Variants in APBB2 observed in about 807,000 individuals in gnomAD.
APBB2 encodes Fe65-like 1.
In APBB2, 38 loss-of-function variants were observed where a neutral mutation model predicts 82.5. That is an observed-to-expected ratio of 0.46 (90% CI 0.36 to 0.60). The LOEUF (loss-of-function observed/expected upper bound fraction) is 0.60. Among genes scored for constraint, APBB2 ranks in the 20% least tolerant of loss-of-function variants. The pLI is 0.00. For synonymous variants in APBB2, 341 were observed against 368.2 expected (o/e 0.93, Z 0.85); for missense variants, 772 against 972.3 (o/e 0.79, Z 2.74).
intron 5 of APBB2, among the ~76,000 whole-genome samples, chr4:41,021,038 G>A (rs62412127): frequency 0.038 from 5,715 of 152,260 alleles, 202 homozygotes; most frequent in African/African-American, 0.097. Flanking sequence ...TAAGTCCCAT[G>A]ACAGCCATCT....
intron 12 of APBB2, 26 bp downstream of exon 12, chr4:40,890,338 C>T (rs374164260): frequency 2.5e-6 from 4 of 1,605,452 alleles, no homozygotes; most frequent in Non-Finnish European, 2.6e-6. Flanking sequence ...GTGAGGTGAC[C>T]CAGACTGCCC....
In APBB2 at chr4:41,212,920, C is replaced by T. The variant is rs76118575; in HGVS notation, c.-417+1485G>A. On this transcript the variant is annotated intron_variant, in intron 1 of 17. Transcript: ENST00000508593. ...ATAAACAACTGTTGAACAAATATTG[C>T]TTACAAGCTACAAGTTGAAAACGAG... is the stretch of plus-strand genomic sequence containing the variant. Among the ~76,000 whole-genome samples the T allele has an allele frequency of 8.7e-3, 1,321 of 152,248 alleles. 17 individuals are homozygous for T. Among genetic ancestry groups the T allele is most frequent in the African/African-American group, 0.031 (1,279 of 41,538 alleles).
chr4:41,097,279 T>TA (rs1405719078), intron 3 of APBB2, among the ~76,000 whole-genome samples: 1 of 152,200 alleles, frequency 6.6e-6, no homozygotes, highest in Non-Finnish European at 1.5e-5. Context: ...CAGTGACACT[T>TA]ACCATTTTGA....
At chr4:41,058,705 A>T (rs1413660957) in intron 4 of APBB2, among the ~76,000 whole-genome samples, 1 of 152,206 alleles carries the variant, frequency 6.6e-6, no homozygotes, top group Non-Finnish European at 1.5e-5. Context: ...ATTAATACTT[A>T]ACATCTAAAG....
At chr4:41,013,536 T>TAAA (rs75237991) in intron 6 of APBB2, 47 bp downstream of exon 6, 17 of 1,228,534 alleles carry the variant, frequency 1.4e-5, no homozygotes, top group South Asian at 4.4e-5. Context: ...GTTGAAAAGA[T>TAAA]AAAAAAAAAA....
rs1745625475 is a variant in APBB2 at position 40,816,315 on chromosome 4, AAT to A, written c.2113-58_2113-57del. On this transcript the variant is annotated intron_variant, in intron 17 of 17. Coordinates refer to ENST00000508593, the MANE Select transcript of APBB2 (RefSeq NM_004307.2). ...ATTAACAACATATTATTTCATCTTT[AAT>A]ATGACTTTAAGTCATGACCCATAAT... is the stretch of plus-strand genomic sequence containing the variant. 1.9e-6 allele frequency: 3 copies of A among 1,591,954 alleles called. No individual in the cohort carries two copies. In the African/African-American group the frequency reaches 4.0e-5, roughly 21 times the overall value.
At chr4:40,828,182 C>T (rs1447191965) in intron 13 of APBB2, among the ~76,000 whole-genome samples, 2 of 152,208 alleles carry the variant, frequency 1.3e-5, no homozygotes, top group Non-Finnish European at 2.9e-5. Flanking sequence ...CCGACTAATA[C>T]ACCTGCCATT....
At chr4:40,818,564 T>G (rs957518052) in intron 17 of APBB2, among the ~76,000 whole-genome samples, 1 of 152,210 alleles carries the variant, frequency 6.6e-6, no homozygotes, top group African/African-American at 2.4e-5. Context: ...CCATTTTCTA[T>G]TTTCTTCACA....
rs922342713 is a variant in APBB2 at position 41,015,250 on chromosome 4, T to C, written c.20-852A>G. 3.9e-5 allele frequency among the ~76,000 whole-genome samples: 6 copies of C among 152,354 alleles called. No homozygotes were observed. The East Asian group carries it at 1.2e-3, about 29-fold the overall frequency. ...TATTGTTTGCGCCGTTAGTGATTTATTCTATATGTCTCTCGCTGGGAAGAA... is the reference window on the plus strand; with the variant it reads ...TATTGTTTGCGCCGTTAGTGATTTACTCTATATGTCTCTCGCTGGGAAGAA... On this transcript the variant is annotated intron_variant, in intron 5 of 17. Transcript: ENST00000508593.
chr4:40,822,141 AGC>A, intron 16 of APBB2, 91 bp from the exon 17 acceptor site: 3 of 1,454,340 alleles, frequency 2.1e-6, no homozygotes, highest in Non-Finnish European at 2.8e-6. Flanking sequence ...CAGAAAGTAT[AGC>A]CAGGCCGAAT....
At chr4:40,873,497 T>C (rs979212185) in intron 12 of APBB2, among the ~76,000 whole-genome samples, 1 of 152,198 alleles carries the variant, frequency 6.6e-6, no homozygotes, top group African/African-American at 2.4e-5. Context: ...AATCAGAACA[T>C]TTCCTTTAGG....
At chr4:40,994,824 AG>A (rs1388456144) in intron 6 of APBB2, among the ~76,000 whole-genome samples, 1 of 151,076 alleles carries the variant, frequency 6.6e-6, no homozygotes, top group Non-Finnish European at 1.5e-5. Flanking sequence ...AAAAAAAAAA[AG>A]AAAAGAAAAG....
At chr4:41,090,797 A>G (rs1244321273) in intron 3 of APBB2, among the ~76,000 whole-genome samples, 1 of 152,216 alleles carries the variant, frequency 6.6e-6, no homozygotes, top group Non-Finnish European at 1.5e-5. Flanking sequence ...CAATTACTGC[A>G]TATAACAGCT....
chr4:41,105,068 C>G (rs1746703018), intron 2 of APBB2, among the ~76,000 whole-genome samples: 2 of 152,180 alleles, frequency 1.3e-5, no homozygotes, highest in African/African-American at 4.8e-5. Context: ...CTCCCACTCT[C>G]AAGAATGTGC....
chr4:40,852,383 T>C (rs1477163505), intron 12 of APBB2, among the ~76,000 whole-genome samples: 1 of 148,710 alleles, frequency 6.7e-6, no homozygotes, highest in Non-Finnish European at 1.5e-5. Context: ...TAATTATGAA[T>C]GGATTCTTAT....
chr4:40,962,857 T>C (rs904090041), intron 6 of APBB2, among the ~76,000 whole-genome samples: 1 of 152,244 alleles, frequency 6.6e-6, no homozygotes, highest in Non-Finnish European at 1.5e-5. Flanking sequence ...TGCTGTTTGC[T>C]ATTTTTTATT....
intron 10 of APBB2, among the ~76,000 whole-genome samples, chr4:40,924,597 C>G (rs865873502): frequency 6.6e-6 from 1 of 152,128 alleles, no homozygotes; most frequent in South Asian, 2.1e-4. Context: ...ATGAGAAGAC[C>G]AAGCCACATG....
At chr4:40,918,546 AT>A (rs1372988462) in intron 10 of APBB2, among the ~76,000 whole-genome samples, 1 of 152,180 alleles carries the variant, frequency 6.6e-6, no homozygotes, top group Non-Finnish European at 1.5e-5. Context: ...GGCAATCCCC[AT>A]TTTTGGCAGT....
chr4:41,093,855 A>C (rs1742616259), intron 3 of APBB2, among the ~76,000 whole-genome samples: 3 of 135,354 alleles, frequency 2.2e-5, no homozygotes, highest in Admixed American at 2.2e-4. Context: ...ACTTCATCTC[A>C]AAAAAAAAAA....
Sources: gnomAD v4.1 joint callset for allele counts (sites outside exome capture counted in the v4.1 genomes callset) on GRCh38, gnomAD v4.1.1 for gene constraint, MANE v1.5 for transcripts, NCBI Gene and HGNC (gene_info 2026-07-23, HGNC 2026-07-21) for gene names.